STAT3: variants seen among roughly 807,000 people sequenced by gnomAD.
STAT3 encodes signal transducer and activator of transcription 3.
Under a neutral mutation model 114.3 loss-of-function variants are expected in STAT3, and 7 were observed. The ratio of observed to expected loss-of-function variants is 0.06; its 90% CI spans 0.03 to 0.11. The LOEUF (loss-of-function observed/expected upper bound fraction) is 0.11, where lower values mean the gene tolerates loss of function less well. Ranked by LOEUF, STAT3 falls within the 10% of genes least tolerant of loss-of-function variation. The probability of loss-of-function intolerance (pLI) is 1.00; values close to 1 mark genes in which losing one functional copy is unlikely to be tolerated. For missense variants in STAT3, 364 were observed against 960.9 expected (o/e 0.38, Z 8.21); for synonymous variants, 331 against 354.5 (o/e 0.93, Z 0.74).
At chr17:42,363,395 T>G (rs16967716) in intron 1 of STAT3, among the ~76,000 whole-genome samples, 1,588 of 152,250 alleles carry the variant, frequency 0.01, 40 homozygotes, top group African/African-American at 0.033. Flanking sequence ...TCAGGCTCTG[T>G]AACTACTCAG....
chr17:42,323,721 G>C (rs974244976), intron 17 of STAT3, 96 bp from the exon 18 acceptor site: 12 of 1,173,890 alleles, frequency 1.0e-5, no homozygotes, highest in Non-Finnish European at 1.4e-5. Flanking sequence ...TCCCACAATG[G>C]GCCACAAAAT....
At chr17:42,330,459 G>T (rs2081960195) in intron 11 of STAT3, among the ~76,000 whole-genome samples, 2 of 127,608 alleles carry the variant, frequency 1.6e-5, no homozygotes, top group South Asian at 2.5e-4. Flanking sequence ...TTGAGATGGA[G>T]TCTCTGTCGC....
At chr17:42,316,957 GAA>G (rs71157612) in intron 22 of STAT3, 56 bp from the exon 23 acceptor site, 350 of 1,222,112 alleles carry the variant, frequency 2.9e-4, no homozygotes, top group Admixed American at 1.1e-3. Flanking sequence ...AGACACAATG[GAA>G]AAAAAAAAAA....
At chr17:42,345,025 G>A (rs1421824982) in intron 4 of STAT3, among the ~76,000 whole-genome samples, 1 of 151,844 alleles carries the variant, frequency 6.6e-6, no homozygotes, top group African/African-American at 2.4e-5. Flanking sequence ...CAGCACTGTG[G>A]GAGGCTGAGG....
At chr17:42,321,436 TATATAAC>T (rs1341175562) in intron 21 of STAT3, among the ~76,000 whole-genome samples, 4 of 152,172 alleles carry the variant, frequency 2.6e-5, no homozygotes, top group African/African-American at 9.7e-5. Context: ...AAATAATTTA[TATATAAC>T]ATATAAGTAC....
chr17:42,318,700 A>G (rs188288875), intron 21 of STAT3, among the ~76,000 whole-genome samples: 100 of 152,338 alleles, frequency 6.6e-4, no homozygotes, highest in Non-Finnish European at 1.3e-3. Flanking sequence ...CAGCACGGTC[A>G]TAAAACATGA....
chr17:42,362,520 G>A (rs866951814), intron 1 of STAT3, among the ~76,000 whole-genome samples: 1 of 152,154 alleles, frequency 6.6e-6, no homozygotes, highest in East Asian at 1.9e-4. Context: ...TGACTGCTCT[G>A]TTCTTAGGCT....
At chr17:42,364,461 T>C (rs144744310) in intron 1 of STAT3, among the ~76,000 whole-genome samples, 3 of 152,278 alleles carry the variant, frequency 2.0e-5, no homozygotes, top group East Asian at 3.9e-4. Context: ...GTGGGTACTG[T>C]TATCTTTGGC....
chr17:42,325,412 A>T (rs17884004), intron 15 of STAT3, among the ~76,000 whole-genome samples: 2,486 of 152,278 alleles, frequency 0.016, 32 homozygotes, highest in South Asian at 0.036. Flanking sequence ...AGGTCTCAGG[A>T]ATCAAAGACC....
chr17:42,329,715 G>A (rs750257474), intron 12 of STAT3, 32 bp downstream of exon 12: 26 of 1,614,008 alleles, frequency 1.6e-5, no homozygotes, highest in East Asian at 4.5e-5. Flanking sequence ...TAGGTTAAAC[G>A]GAACAAAAGG....
At chr17:42,351,558 C>CT (rs936106190) in intron 1 of STAT3, among the ~76,000 whole-genome samples, 13 of 151,834 alleles carry the variant, frequency 8.6e-5, no homozygotes, top group African/African-American at 3.1e-4. Flanking sequence ...ACTTTACACT[C>CT]TTTTTTTTGC....
At chr17:42,381,037 C>T (rs1022680878) in intron 1 of STAT3, among the ~76,000 whole-genome samples, 3 of 152,190 alleles carry the variant, frequency 2.0e-5, no homozygotes, top group South Asian at 2.1e-4. Context: ...AAGTGGACCT[C>T]GTTTCCACAA....
intron 17 of STAT3, 109 bp from the exon 18 acceptor site, chr17:42,323,734 T>C (rs1261890079): frequency 2.8e-6 from 3 of 1,052,722 alleles, no homozygotes; most frequent in Non-Finnish European, 4.3e-6. Flanking sequence ...CACAAAATAA[T>C]CAGCTTTCAC....
chr17:42,385,314 G>C (rs1485813394), intron 1 of STAT3, among the ~76,000 whole-genome samples: 1 of 151,966 alleles, frequency 6.6e-6, no homozygotes, highest in Non-Finnish European at 1.5e-5. Flanking sequence ...TTTGAGACCA[G>C]CCTGGTCAAT....
chr17:42,343,982 TC>T (rs1480469784), intron 4 of STAT3, among the ~76,000 whole-genome samples: 3 of 152,226 alleles, frequency 2.0e-5, no homozygotes, highest in Admixed American at 6.6e-5. Flanking sequence ...CATTTCTTTT[TC>T]TTTTTGCATA....
At chr17:42,360,868 A>G (rs2083475471) in intron 1 of STAT3, among the ~76,000 whole-genome samples, 1 of 152,164 alleles carries the variant, frequency 6.6e-6, no homozygotes, top group South Asian at 2.1e-4. Context: ...GGGAGGGACA[A>G]CCAGGGTGTG....
chr17:42,346,705 G>A lies in STAT3; in HGVS notation c.137C>T (p.Ala46Val), dbSNP rs868859792. ...PWIESQDWAY[A>V]ASKESHATLV... ...AGTGGCATGTGATTCTTTGCTGGCC[G>A]CATATGCCCTAGGAAAAGGAAGAAT... Residue 46 changes from alanine (A) to valine (V), a missense_variant, in exon 3 of 24, where the codon GCG (alanine) becomes GTG (valine). By Grantham distance (64) the Ala-to-Val change is moderately conservative. This residue lies in a region of STAT3 where 294 missense variants were observed against 745.1 expected (regional missense o/e 0.39). Transcript: ENST00000264657. The A allele has an allele frequency of 1.2e-6, 2 of 1,614,028 alleles. No homozygotes were observed. Among genetic ancestry groups the A allele is most frequent in the Non-Finnish European group, 1.7e-6 (2 of 1,180,004 alleles).
chr17:42,368,649 A>G (rs1031754609), intron 1 of STAT3, among the ~76,000 whole-genome samples: 2 of 151,494 alleles, frequency 1.3e-5, no homozygotes, highest in Non-Finnish European at 2.9e-5. Flanking sequence ...TAGTAGAGAC[A>G]GGGTTTCTCC....
At position 42,314,670 on chromosome 17, in the gene STAT3, T is replaced by C. The variant is rs536318793; in HGVS notation, c.*1075A>G. 9 of 224,840 alleles carry C rather than the reference T, an allele frequency of 4.0e-5. No individual in the cohort carries two copies. The highest frequency in any genetic ancestry group is 6.4e-5 in the East Asian group (1 of 15,716). The allele number at this position is 224,840 out of a possible 1,614,324, so 13.9% of individuals were successfully genotyped here. A position where few individuals can be genotyped will look rare whatever the true frequency, so the allele number is the denominator to read the frequency against. ...TTACAAAGGAAAATAAGTCTATTTA[T>C]AAAAAAAAGTCTAAAATGCTTAGAT... On this transcript the variant is annotated 3_prime_UTR_variant, in exon 24 of 24. Transcript: ENST00000264657.
Sources: gnomAD v4.1 joint callset for allele counts (sites outside exome capture counted in the v4.1 genomes callset) on GRCh38, gnomAD v4.1.1 for gene constraint, gnomAD v4.1.1 regional missense constraint, MANE v1.5 for transcripts, NCBI Gene and HGNC (gene_info 2026-07-23, HGNC 2026-07-21) for gene names.